The following CACNA2D3 variants were observed in gnomAD, a reference collection of about 807,000 sequenced individuals.
The protein encoded by CACNA2D3 is voltage-dependent calcium channel subunit alpha-2/delta-3.
A neutral mutation model predicts 160.6 loss-of-function variants in CACNA2D3; 60 were observed. The observed-to-expected ratio is 0.37, with a 90% CI of 0.30 to 0.46. The LOEUF is 0.46. CACNA2D3 is among the 20% of genes least tolerant of loss of function. The pLI is 1.00. For synonymous variants in CACNA2D3, 558 were observed against 492.9 expected (o/e 1.13, Z -1.75); for missense variants, 1,205 against 1,365.0 (o/e 0.88, Z 1.85).
chr3:54,792,323 T>G (rs1702773799), intron 13 of CACNA2D3, among the ~76,000 whole-genome samples: 1 of 152,150 alleles, frequency 6.6e-6, no homozygotes, highest in South Asian at 2.1e-4. Context: ...ATGCAGAATT[T>G]TGGGACTCCA....
intron 9 of CACNA2D3, among the ~76,000 whole-genome samples, chr3:54,609,529 CTT>C (rs1698703323): frequency 6.6e-6 from 1 of 152,102 alleles, no homozygotes; most frequent in South Asian, 2.1e-4. Flanking sequence ...CATGCTTCTC[CTT>C]TTTTATTGGC....
At chr3:54,177,318 T>C (rs1308148483) in intron 2 of CACNA2D3, among the ~76,000 whole-genome samples, 1 of 152,224 alleles carries the variant, frequency 6.6e-6, no homozygotes, top group African/African-American at 2.4e-5. Flanking sequence ...TGTGGCTTGT[T>C]ATTTTGGGTC....
intron 4 of CACNA2D3, among the ~76,000 whole-genome samples, chr3:54,453,464 T>C (rs957365970): frequency 6.6e-6 from 1 of 152,048 alleles, no homozygotes; most frequent in South Asian, 2.1e-4. Flanking sequence ...TAATTCGACC[T>C]GAAACACCAT....
chr3:54,594,947 A>G (rs538320420), intron 9 of CACNA2D3, among the ~76,000 whole-genome samples: 1 of 152,344 alleles, frequency 6.6e-6, no homozygotes, highest in South Asian at 2.1e-4. Flanking sequence ...GAAGATTTCA[A>G]ATACTATCCT....
At chr3:54,967,149 C>G (rs1009723587) in intron 27 of CACNA2D3, 1 of 152,192 alleles carries the variant, frequency 6.6e-6, no homozygotes, top group Non-Finnish European at 1.5e-5. Flanking sequence ...GTCGGAAATT[C>G]TAAGTGCAAA....
intron 11 of CACNA2D3, among the ~76,000 whole-genome samples, chr3:54,682,853 T>C (rs911679401): frequency 3.9e-5 from 6 of 152,166 alleles, no homozygotes; most frequent in Non-Finnish European, 8.8e-5. Context: ...TGGTGTGTTC[T>C]TACCATCCCA....
chr3:54,747,411 T>A (rs962080611), intron 11 of CACNA2D3, among the ~76,000 whole-genome samples: 2 of 152,120 alleles, frequency 1.3e-5, no homozygotes, highest in Non-Finnish European at 2.9e-5. Context: ...TTACTCTCTA[T>A]GGCTGTGGAT....
intron 9 of CACNA2D3, chr3:54,626,711 A>C: frequency 1.4e-6 from 1 of 713,538 alleles, no homozygotes; most frequent in Non-Finnish European, 2.3e-6. Context: ...AAAAAAAAAG[A>C]AAGAAAAAGA....
At chr3:54,850,288 G>A (rs543108062) in intron 17 of CACNA2D3, among the ~76,000 whole-genome samples, 46 of 152,278 alleles carry the variant, frequency 3.0e-4, no homozygotes, top group Middle Eastern at 3.4e-3. Context: ...CACAAGTGGG[G>A]ACAGACACCT....
At chr3:54,209,859 C>A (rs1391017029) in intron 2 of CACNA2D3, among the ~76,000 whole-genome samples, 1 of 152,188 alleles carries the variant, frequency 6.6e-6, no homozygotes, top group Non-Finnish European at 1.5e-5. Flanking sequence ...ACCATGTCAT[C>A]AGATATCTAA....
At chr3:54,467,259 C>G (rs1238794372) in intron 4 of CACNA2D3, among the ~76,000 whole-genome samples, 1 of 152,188 alleles carries the variant, frequency 6.6e-6, no homozygotes, top group Non-Finnish European at 1.5e-5. Context: ...CTGTGTGCTG[C>G]CCTTGACAGC....
At chr3:54,934,468 C>T (rs777525006) in intron 27 of CACNA2D3, among the ~76,000 whole-genome samples, 16 of 152,090 alleles carry the variant, frequency 1.1e-4, no homozygotes, top group East Asian at 3.9e-4. Context: ...AGGATTATTC[C>T]GTTTACTGCA....
chr3:54,879,214 T>A (rs1699734635), intron 19 of CACNA2D3, 125 bp downstream of exon 19: 1 of 867,602 alleles, frequency 1.2e-6, no homozygotes, highest in East Asian at 2.6e-5. Context: ...TCTTTACTTA[T>A]CTCAAACAAG....
intron 10 of CACNA2D3, among the ~76,000 whole-genome samples, chr3:54,628,358 G>A (rs1373416728): frequency 1.3e-5 from 2 of 152,212 alleles, no homozygotes; most frequent in Non-Finnish European, 2.9e-5. Context: ...CAGCCAGTGA[G>A]GTCAAACCAG....
At chr3:54,349,239 G>A (rs971395703) in intron 3 of CACNA2D3, among the ~76,000 whole-genome samples, 1 of 152,138 alleles carries the variant, frequency 6.6e-6, no homozygotes, top group Non-Finnish European at 1.5e-5. Context: ...ACTTAGGAGG[G>A]TGGCATGAAG....
At chr3:54,349,587 T>C (rs151253010) in intron 3 of CACNA2D3, among the ~76,000 whole-genome samples, 1,755 of 152,324 alleles carry the variant, frequency 0.012, 21 homozygotes, top group Non-Finnish European at 0.019. Context: ...CTGTCTAACT[T>C]TTCATTATTT....
intron 5 of CACNA2D3, among the ~76,000 whole-genome samples, chr3:54,514,780 T>G (rs1701517624): frequency 6.8e-6 from 1 of 148,066 alleles, no homozygotes; most frequent in Non-Finnish European, 1.5e-5. Flanking sequence ...TGGGGTGGGG[T>G]GGGAGGTGGA....
At chr3:54,692,633 G>T (rs1700590429) in intron 11 of CACNA2D3, among the ~76,000 whole-genome samples, 1 of 152,100 alleles carries the variant, frequency 6.6e-6, no homozygotes, top group Non-Finnish European at 1.5e-5. Flanking sequence ...AAATTTCTTA[G>T]AAATTCCCAA....
intron 3 of CACNA2D3, among the ~76,000 whole-genome samples, chr3:54,321,822 C>G (rs868096413): frequency 6.8e-6 from 1 of 146,546 alleles, no homozygotes; most frequent in African/African-American, 2.5e-5. Flanking sequence ...CTTCAAGGTT[C>G]TTTATGCATA....
Sources: allele counts gnomAD v4.1 joint callset (sites outside exome capture counted in the v4.1 genomes callset), GRCh38; gene constraint gnomAD v4.1.1; transcripts MANE v1.5; gene names NCBI Gene and HGNC (gene_info 2026-07-23, HGNC 2026-07-21).